Variants in RBFOX1 observed in about 807,000 individuals in gnomAD.
RBFOX1 encodes the protein RNA binding protein fox-1 homolog 1.
Under a neutral mutation model 57.7 loss-of-function variants are expected in RBFOX1, and 8 were observed. The ratio of observed to expected loss-of-function variants is 0.14; its 90% CI spans 0.08 to 0.25. The LOEUF is 0.25. Ranked by LOEUF, RBFOX1 falls within the 10% of genes least tolerant of loss-of-function variation. The pLI is 1.00. For missense variants in RBFOX1, 611 were observed against 548.5 expected, an observed-to-expected ratio of 1.11 and a Z score of -1.14; for synonymous variants, 326 against 222.4, an observed-to-expected ratio of 1.47 and a Z score of -4.15.
intron 1 of RBFOX1, among the ~76,000 whole-genome samples, chr16:6,242,963 G>C (rs2097547971): frequency 6.6e-6 from 1 of 152,106 alleles, no homozygotes; most frequent in East Asian, 1.9e-4. Flanking sequence ...ATATGTCCTT[G>C]TTTTGTTTTC....
At chr16:6,202,956 G>C (rs1371246122) in intron 1 of RBFOX1, among the ~76,000 whole-genome samples, 1 of 151,778 alleles carries the variant, frequency 6.6e-6, no homozygotes, top group Non-Finnish European at 1.5e-5. Flanking sequence ...ATATTTTTTT[G>C]TAGAGATGGG....
chr16:7,574,569 G>T (rs1172193895), intron 5 of RBFOX1, among the ~76,000 whole-genome samples: 1 of 152,168 alleles, frequency 6.6e-6, no homozygotes, highest in Non-Finnish European at 1.5e-5. Context: ...CAGCATGGGG[G>T]AGAGTTGTAG....
rs1568006199 is a variant in RBFOX1 at position 6,641,778 on chromosome 16, A to AG, written c.-63-12825_-63-12824insG. Among the ~76,000 whole-genome samples, 165 of 31,768 alleles carry AG rather than the reference A, an allele frequency of 5.2e-3. 14 individuals are homozygous for AG. Among genetic ancestry groups the AG allele is most frequent in the Admixed American group, 7.2e-3 (15 of 2,094 alleles). 20.8% of individuals were successfully genotyped at this position (31,768 alleles called of 152,430 possible). ...AAAAAAAAAAAAAAAAAAAAAAAAA[A>AG]TAGGTTCTGCCCTGAGCCTTTCAGG... On this transcript the variant is annotated intron_variant, in intron 2 of 15. Coordinates refer to ENST00000550418, the MANE Select transcript of RBFOX1 (RefSeq NM_018723.4).
chr16:5,417,082 A>T (rs1018600925), intron 1 of RBFOX1, among the ~76,000 whole-genome samples: 3 of 152,250 alleles, frequency 2.0e-5, no homozygotes, highest in African/African-American at 7.2e-5. Context: ...CCGAAGTCTC[A>T]CAGCCCTTCT....
intron 3 of RBFOX1, among the ~76,000 whole-genome samples, chr16:5,849,071 G>C (rs1172794293): frequency 2.0e-5 from 3 of 152,122 alleles, no homozygotes; most frequent in African/African-American, 7.2e-5. Context: ...AGAAAACCCA[G>C]GTAAGAACAC....
intron 4 of RBFOX1, among the ~76,000 whole-genome samples, chr16:7,339,850 C>G (rs1214939235): frequency 6.6e-6 from 1 of 152,192 alleles, no homozygotes; most frequent in East Asian, 1.9e-4. Context: ...CTATTGAATT[C>G]AGGAATTTTG....
At position 7,190,597 on chromosome 16, in the gene RBFOX1, A is replaced by C. The variant is rs576706113; in HGVS notation, c.27+138499A>C. On this transcript the variant is annotated intron_variant, in intron 4 of 15. Coordinates refer to ENST00000550418, the MANE Select transcript of RBFOX1 (RefSeq NM_018723.4). The stretch of plus-strand genomic sequence containing the variant: ...AGGAGGTTGCTAAGAGGGTAGGTGT[A>C]GTACTGAGGTATAGAGGGTTGGTAG... 5.3e-5 allele frequency among the ~76,000 whole-genome samples: 8 copies of C among 152,130 alleles called. No homozygotes were observed. In the East Asian group the frequency reaches 1.6e-3, roughly 30 times the overall value.
chr16:6,576,713 A>C (rs2097443512), intron 2 of RBFOX1, among the ~76,000 whole-genome samples: 1 of 152,184 alleles, frequency 6.6e-6, no homozygotes, highest in Non-Finnish European at 1.5e-5. Context: ...TATTTACTAA[A>C]ACAAAAGAGG....
intron 2 of RBFOX1, among the ~76,000 whole-genome samples, chr16:6,568,003 G>T (rs1365726449): frequency 6.6e-6 from 1 of 152,042 alleles, no homozygotes; most frequent in Non-Finnish European, 1.5e-5. Flanking sequence ...TAAATTCTTT[G>T]TAGAGGTAGG....
chr16:7,708,483 C>G (rs79982597), intron 14 of RBFOX1, among the ~76,000 whole-genome samples: 3 of 143,698 alleles, frequency 2.1e-5, no homozygotes, highest in African/African-American at 4.9e-5. Flanking sequence ...AGGATCAAAA[C>G]CAAATCAGTC....
chr16:7,130,140 C>T (rs1242887310), intron 4 of RBFOX1, among the ~76,000 whole-genome samples: 1 of 150,852 alleles, frequency 6.6e-6, no homozygotes, highest in Non-Finnish European at 1.5e-5. Context: ...TCAAGCAATT[C>T]TCCTGCCTCA....
chr16:5,599,139 T>TCAGGAAA lies in RBFOX1; in HGVS notation c.498_499insGGAAACA (p.Leu167GlyfsTer99). 1 of 721,806 alleles carries TCAGGAAA rather than the reference T, an allele frequency of 1.4e-6. No homozygotes were observed. The highest frequency in any genetic ancestry group is 2.5e-6 in the Non-Finnish European group (1 of 402,968). The allele number at this position is 721,806 out of a possible 1,614,324, so 44.7% of individuals were successfully genotyped here. A position where few individuals can be genotyped will look rare whatever the true frequency, so the allele number is the denominator to read the frequency against. On this transcript the variant is annotated frameshift_variant, in exon 3 of 3. Coordinates refer to the RBFOX1 transcript ENST00000585867. LOFTEE classifies it low-confidence loss of function (END_TRUNC). ...TTCCAGAGCACTTGCACAATTTCTA[T>TCAGGAAA]CACTTGGGCCGTATTCCCAGCCTCT...
chr16:6,944,169 G>A (rs940336547), intron 3 of RBFOX1, among the ~76,000 whole-genome samples: 6 of 151,892 alleles, frequency 4.0e-5, no homozygotes, highest in Non-Finnish European at 7.4e-5. Flanking sequence ...GGCTGAGGTG[G>A]GTGGATTATG....
At chr16:7,258,382 A>G (rs574633571) in intron 4 of RBFOX1, among the ~76,000 whole-genome samples, 16 of 152,318 alleles carry the variant, frequency 1.1e-4, no homozygotes, top group African/African-American at 3.9e-4. Context: ...ATTCATGTCT[A>G]AATACACTTA....
intron 2 of RBFOX1, among the ~76,000 whole-genome samples, chr16:5,571,656 G>C (rs1351736427): frequency 6.6e-6 from 1 of 152,130 alleles, no homozygotes; most frequent in African/African-American, 2.4e-5. Context: ...AACATCTGGA[G>C]ACTACTGTTC....
intron 4 of RBFOX1, among the ~76,000 whole-genome samples, chr16:7,149,368 C>T (rs912054160): frequency 6.6e-6 from 1 of 152,104 alleles, no homozygotes; most frequent in African/African-American, 2.4e-5. Context: ...CATAAAAGTA[C>T]ATCCATTGAT....
chr16:5,449,557 A>C (rs1687896470), intron 1 of RBFOX1, among the ~76,000 whole-genome samples: 1 of 152,170 alleles, frequency 6.6e-6, no homozygotes, highest in Admixed American at 6.5e-5. Flanking sequence ...ATCTGGCCCC[A>C]TGCTTTCTGT....
chr16:7,135,670 G>C (rs191302136), intron 4 of RBFOX1, among the ~76,000 whole-genome samples: 1 of 152,182 alleles, frequency 6.6e-6, no homozygotes, highest in Non-Finnish European at 1.5e-5. Flanking sequence ...AGGATTAATC[G>C]TCTGGTTCAT....
chr16:6,107,288 T>A (rs1040618179), intron 1 of RBFOX1, among the ~76,000 whole-genome samples: 1 of 152,126 alleles, frequency 6.6e-6, no homozygotes, highest in Non-Finnish European at 1.5e-5. Flanking sequence ...GCTTGGAGTC[T>A]TCCTTTCACT....
Sources: allele counts gnomAD v4.1 joint callset (sites outside exome capture counted in the v4.1 genomes callset), GRCh38; gene constraint gnomAD v4.1.1; transcripts MANE v1.5; gene names NCBI Gene and HGNC (gene_info 2026-07-23, HGNC 2026-07-21).